Variants in PTK7 observed in about 807,000 individuals in gnomAD.
PTK7 encodes protein tyrosine kinase 7 (inactive), also known as inactive tyrosine-protein kinase 7.
A neutral mutation model predicts 116.6 loss-of-function variants in PTK7; 39 were observed. The observed-to-expected ratio is 0.33, with a 90% CI of 0.26 to 0.44. The LOEUF (loss-of-function observed/expected upper bound fraction) is 0.44. PTK7 is among the 20% of genes least tolerant of loss of function. The probability of loss-of-function intolerance (pLI) is 1.00; values close to 1 mark genes in which losing one functional copy is unlikely to be tolerated. For missense variants in PTK7, 1,169 were observed against 1,425.6 expected (o/e 0.82, Z 2.90); for synonymous variants, 546 against 563.6 (o/e 0.97, Z 0.44).
intron 1 of PTK7, among the ~76,000 whole-genome samples, chr6:43,106,842 C>T (rs113156637): frequency 0.067 from 10,117 of 151,704 alleles, 524 homozygotes; most frequent in African/African-American, 0.14. Flanking sequence ...TCTTGAACTC[C>T]TGACCTAAAG....
intron 17 of PTK7, among the ~76,000 whole-genome samples, chr6:43,148,279 AGGCATC>A (rs1245905323): frequency 3.9e-5 from 6 of 152,084 alleles, no homozygotes; most frequent in African/African-American, 1.4e-4. Context: ...GGGAAAGGAC[AGGCATC>A]TTGCCCTTGG....
intron 1 of PTK7, among the ~76,000 whole-genome samples, chr6:43,104,470 G>A (rs1183047457): frequency 6.6e-6 from 1 of 152,106 alleles, no homozygotes; most frequent in African/African-American, 2.4e-5. Flanking sequence ...GAGTACAATG[G>A]TGTGAGCTAG....
At chr6:43,084,850 C>T (rs1483877469) in intron 1 of PTK7, among the ~76,000 whole-genome samples, 2 of 152,084 alleles carry the variant, frequency 1.3e-5, no homozygotes, top group Non-Finnish European at 2.9e-5. Context: ...TAGTCAGTGA[C>T]GGCCTCAGAA....
At chr6:43,158,166 G>A (rs531314106) in intron 17 of PTK7, among the ~76,000 whole-genome samples, 1 of 151,988 alleles carries the variant, frequency 6.6e-6, no homozygotes, top group Admixed American at 6.6e-5. Flanking sequence ...GGGCGTAGTG[G>A]CAGGCACCTG....
Position 43,159,816 on chromosome 6 carries a change from G to A in PTK7, c.2902G>A (p.Val968Met). The A allele has an allele frequency of 1.2e-6, 2 of 1,614,214 alleles. No individual in the cohort carries two copies. The highest frequency in any genetic ancestry group is 1.7e-6 in the Non-Finnish European group (2 of 1,180,026). ...GTACTACCACTTCCGCCAGGCCTGG[G>A]TGCCGCTGCGCTGGATGTCCCCCGA... ...SEYYHFRQAW[V>M]PLRWMSPEAI... The change falls in exon 19 of 20, where the codon GTG becomes ATG. Residue 968 changes from valine (V) to methionine (M), a missense_variant. Val to Met is a conservative substitution (Grantham distance 21). This residue lies in a region of PTK7 where 678 missense variants were observed against 853.8 expected (regional missense o/e 0.79). Transcript: ENST00000230419.
intron 1 of PTK7, among the ~76,000 whole-genome samples, chr6:43,101,592 A>G (rs1057409606): frequency 2.0e-5 from 3 of 152,128 alleles, no homozygotes; most frequent in Admixed American, 6.6e-5. Flanking sequence ...AGTTGTATCA[A>G]ATAGTTTTGA....
chr6:43,144,519 T>A lies in PTK7; in HGVS notation c.2320T>A (p.Ser774Thr). 6.2e-7 allele frequency: 1 copy of A among 1,614,116 alleles called. No individual in the cohort carries two copies. The highest frequency in any genetic ancestry group is 8.5e-7 in the Non-Finnish European group (1 of 1,180,016). Residue 774 changes from serine to threonine, a missense_variant, in exon 15 of 20, where the codon TCC becomes ACC. Around this residue, in one of 3 missense-constraint regions of PTK7, gnomAD observed 678 missense variants for 853.8 expected, o/e 0.79. Coordinates refer to ENST00000230419, the MANE Select transcript of PTK7 (RefSeq NM_002821.5). ...AGAAGTGGCCTTGACCAGCTTGGGC[T>A]CCGGCCCCGCGGCCACCAACAAACG... is the stretch of plus-strand genomic sequence containing the variant. ...QEEVALTSLG[S>T]GPAATNKRHS...
At chr6:43,105,091 A>G (rs568351122) in intron 1 of PTK7, among the ~76,000 whole-genome samples, 22 of 150,546 alleles carry the variant, frequency 1.5e-4, no homozygotes, top group Non-Finnish European at 1.9e-4. Context: ...GATTATAGGC[A>G]TGAGCCACCA....
intron 1 of PTK7, among the ~76,000 whole-genome samples, chr6:43,084,020 T>G (rs1201460543): frequency 1.3e-5 from 2 of 152,204 alleles, no homozygotes; most frequent in Non-Finnish European, 2.9e-5. Flanking sequence ...TCAGAATTAT[T>G]GAGGGAGAGG....
In PTK7 at chr6:43,145,230, C is replaced by A; in HGVS notation, c.2438C>A (p.Ala813Glu). The A allele has an allele frequency of 6.2e-7, 1 of 1,611,976 alleles. No homozygotes were observed. Among genetic ancestry groups the A allele is most frequent in the Non-Finnish European group, 8.5e-7 (1 of 1,178,726 alleles). Residue 813 changes from alanine (A) to glutamate (E), a missense_variant, in exon 16 of 20, where the codon GCA (alanine) becomes GAA (glutamate). Coordinates refer to ENST00000230419, the MANE Select transcript of PTK7 (RefSeq NM_002821.5). The surrounding 1 kb of genome is among the most constrained non-coding windows in gnomAD (Gnocchi z 4.8). ...GKSEFGEVFL[A>E]KAQGLEEGVA... ...AGTGAGTTTGGGGAGGTGTTCCTGG[C>A]AAAGGCTCAGGGCTTGGAGGAGGGA...
At chr6:43,142,501 C>T (rs563968575) in intron 13 of PTK7, 29 of 819,150 alleles carry the variant, frequency 3.5e-5, no homozygotes, top group South Asian at 4.4e-5. Context: ...ATCCAACGGT[C>T]GGTGTGTGTG....
At chr6:43,148,975 C>G (rs1231342682) in intron 17 of PTK7, among the ~76,000 whole-genome samples, 1 of 148,004 alleles carries the variant, frequency 6.8e-6, no homozygotes, top group East Asian at 2.0e-4. Context: ...AGGAGAATCA[C>G]TTGAACCCGG....
At chr6:43,133,222 T>G (rs997135445) in intron 7 of PTK7, 1 of 150,534 alleles carries the variant, frequency 6.6e-6, no homozygotes, top group African/African-American at 2.7e-5. Context: ...AACATATTAC[T>G]TATGAAAAAA....
At chr6:43,138,185 T>G (rs1273126570) in intron 7 of PTK7, among the ~76,000 whole-genome samples, 3 of 151,968 alleles carry the variant, frequency 2.0e-5, no homozygotes, top group Non-Finnish European at 4.4e-5. Context: ...GGTTTGTTTT[T>G]TTTGTTTTTT....
At chr6:43,108,398 CT>C (rs1172537819) in intron 1 of PTK7, among the ~76,000 whole-genome samples, 272 of 136,892 alleles carry the variant, frequency 2.0e-3, no homozygotes, top group Admixed American at 2.1e-3. Context: ...CCCGGCCAAC[CT>C]TTTTTTTTTT....
In PTK7 at chr6:43,129,614, T is replaced by C; in HGVS notation, c.368-113T>C. 1.1e-6 allele frequency: 1 copy of C among 927,310 alleles called. No individual in the cohort carries two copies. Among genetic ancestry groups the C allele is most frequent in the Non-Finnish European group, 1.7e-6 (1 of 586,406 alleles). The allele number at this position is 927,310 out of a possible 1,614,324, so 57.4% of individuals were successfully genotyped here. A position where few individuals can be genotyped will look rare whatever the true frequency, so the allele number is the denominator to read the frequency against. Reference sequence around the variant, plus strand: ...CCTCAGCCTCCAGGGCTTCCTTGTGTCTGTTGGCACAGAGCCTCGAGGTTC... The same window carrying C: ...CCTCAGCCTCCAGGGCTTCCTTGTGCCTGTTGGCACAGAGCCTCGAGGTTC... On this transcript the variant is annotated intron_variant, in intron 2 of 19. Coordinates refer to ENST00000230419, the MANE Select transcript of PTK7 (RefSeq NM_002821.5). This position sits in a 1 kb window ranked among gnomAD's most constrained non-coding sequence, Gnocchi z 4.5.
intron 1 of PTK7, among the ~76,000 whole-genome samples, chr6:43,111,086 AGG>A (rs1364536962): frequency 1.3e-5 from 2 of 152,218 alleles, no homozygotes; most frequent in Non-Finnish European, 2.9e-5. Flanking sequence ...TTCATGCTGA[AGG>A]TACTTCTGTT....
chr6:43,137,702 A>T (rs192128412), intron 7 of PTK7, among the ~76,000 whole-genome samples: 3 of 152,304 alleles, frequency 2.0e-5, no homozygotes, highest in Admixed American at 2.0e-4. Context: ...GTGTAATAAG[A>T]AGAACAAGGG....
At chr6:43,131,613 C>A in intron 5 of PTK7, 1 of 243,082 alleles carries the variant, frequency 4.1e-6, no homozygotes, top group Non-Finnish European at 8.1e-6. Flanking sequence ...GAGACTTGTT[C>A]ACTATCATGA....
Sources: allele counts gnomAD v4.1 joint callset (sites outside exome capture counted in the v4.1 genomes callset), GRCh38; gene constraint gnomAD v4.1.1; regional missense constraint gnomAD v4.1.1; non-coding constraint Gnocchi (gnomAD v3.1); transcripts MANE v1.5; gene names NCBI Gene and HGNC (gene_info 2026-07-23, HGNC 2026-07-21).